The following LRP1B variants were observed in gnomAD, a reference collection of about 807,000 sequenced individuals.
The protein encoded by LRP1B is LDL receptor related protein 1B.
LRP1B carries 217 observed loss-of-function variants against 556.6 expected under a neutral mutation model. That is an observed-to-expected ratio of 0.39 (90% CI 0.35 to 0.44). LRP1B has a LOEUF of 0.44. Ranked by LOEUF, LRP1B falls within the 20% of genes least tolerant of loss-of-function variation. LRP1B has a pLI of 1.00. For missense variants in LRP1B, 5,053 were observed against 5,620.8 expected, an observed-to-expected ratio of 0.90 and a Z score of 3.23; for synonymous variants, 2,047 against 1,865.8, an observed-to-expected ratio of 1.10 and a Z score of -2.50.
intron 3 of LRP1B, among the ~76,000 whole-genome samples, chr2:141,457,991 A>G (rs555665498): frequency 1.3e-5 from 2 of 152,230 alleles, no homozygotes; most frequent in Non-Finnish European, 2.9e-5. Flanking sequence ...TGGACAAATA[A>G]GATGAGTAAT....
intron 2 of LRP1B, among the ~76,000 whole-genome samples, chr2:141,639,465 G>C (rs1025681354): frequency 6.8e-6 from 1 of 146,570 alleles, no homozygotes; most frequent in Non-Finnish European, 1.5e-5. Flanking sequence ...CCAGGCTAGA[G>C]TGCAGCAGTG....
intron 73 of LRP1B, 98 bp from the exon 74 acceptor site, chr2:140,358,214 A>T (rs2105136086): frequency 8.8e-7 from 1 of 1,142,038 alleles, no homozygotes; most frequent in Non-Finnish European, 1.2e-6. Context: ...ACTATGAAAA[A>T]CATGGGTTTA....
At chr2:140,914,939 C>G (rs189765359) in intron 21 of LRP1B, among the ~76,000 whole-genome samples, 8 of 152,236 alleles carry the variant, frequency 5.3e-5, no homozygotes. Flanking sequence ...TTATTACTAT[C>G]ATATCTATTC....
At chr2:141,311,904 C>A (rs1286534856) in intron 3 of LRP1B, among the ~76,000 whole-genome samples, 1 of 152,104 alleles carries the variant, frequency 6.6e-6, no homozygotes, top group Admixed American at 6.5e-5. Flanking sequence ...GGAAATACCC[C>A]AAAATGTGGA....
chr2:142,117,920 A>C (rs1237255338), intron 1 of LRP1B, among the ~76,000 whole-genome samples: 1 of 152,086 alleles, frequency 6.6e-6, no homozygotes, highest in Non-Finnish European at 1.5e-5. Context: ...CTTGACTTTT[A>C]ATCCATAAAG....
At chr2:140,800,088 G>A (rs1159109324) in intron 32 of LRP1B, among the ~76,000 whole-genome samples, 1 of 152,172 alleles carries the variant, frequency 6.6e-6, no homozygotes, top group Non-Finnish European at 1.5e-5. Flanking sequence ...ATGAGTTCAT[G>A]TCCTTTGTAG....
intron 1 of LRP1B, among the ~76,000 whole-genome samples, chr2:141,976,082 A>G (rs953569239): frequency 2.0e-5 from 3 of 151,448 alleles, no homozygotes; most frequent in African/African-American, 7.4e-5. Flanking sequence ...AAAATTCTAA[A>G]ATCTTTCATT....
intron 2 of LRP1B, among the ~76,000 whole-genome samples, chr2:141,778,818 G>C (rs778655756): frequency 6.6e-6 from 1 of 152,140 alleles, no homozygotes; most frequent in Non-Finnish European, 1.5e-5. Context: ...TACACAGAGA[G>C]ATAGGAGCTA....
At chr2:141,757,364 C>T (rs1285882530) in intron 2 of LRP1B, among the ~76,000 whole-genome samples, 8 of 152,118 alleles carry the variant, frequency 5.3e-5, no homozygotes, top group African/African-American at 9.7e-5. Context: ...GTGAGAGATG[C>T]ACAATCTCAG....
At chr2:140,852,750 G>GA (rs1275690688) in intron 27 of LRP1B, among the ~76,000 whole-genome samples, 71 of 152,218 alleles carry the variant, frequency 4.7e-4, no homozygotes, top group African/African-American at 1.7e-3. Flanking sequence ...ATTGAGAACA[G>GA]AATATTAAAT....
At chr2:140,772,874 G>T (rs964663226) in intron 33 of LRP1B, among the ~76,000 whole-genome samples, 2 of 152,058 alleles carry the variant, frequency 1.3e-5, no homozygotes, top group Admixed American at 6.6e-5. Context: ...GGGAGGTGAA[G>T]GCAGGCAGAT....
chr2:140,654,454 T>C (rs1559034450), intron 41 of LRP1B, among the ~76,000 whole-genome samples: 7 of 152,194 alleles, frequency 4.6e-5, no homozygotes. Flanking sequence ...TCAGTTATTT[T>C]AAAGACTGTC....
At chr2:140,618,648 A>C (rs1324992371) in intron 41 of LRP1B, among the ~76,000 whole-genome samples, 1 of 152,176 alleles carries the variant, frequency 6.6e-6, no homozygotes, top group Non-Finnish European at 1.5e-5. Flanking sequence ...TATTCAGGAC[A>C]GAAGAACTTA....
intron 25 of LRP1B, among the ~76,000 whole-genome samples, chr2:140,883,004 A>C (rs765624398): frequency 2.2e-4 from 34 of 152,200 alleles, no homozygotes; most frequent in Non-Finnish European, 3.4e-4. Context: ...ATTCTCACCT[A>C]TCAGTTGCAT....
intron 41 of LRP1B, among the ~76,000 whole-genome samples, chr2:140,616,694 T>C (rs965037281): frequency 6.6e-6 from 1 of 151,936 alleles, no homozygotes; most frequent in African/African-American, 2.4e-5. Context: ...ATAAATTGTT[T>C]ATTAATATTT....
chr2:141,452,881 A>G (rs183910006), intron 3 of LRP1B, among the ~76,000 whole-genome samples: 9 of 152,192 alleles, frequency 5.9e-5, no homozygotes, highest in African/African-American at 1.9e-4. Context: ...TACTTCCTGG[A>G]GGTTATTGGA....
chr2:140,696,241 G>A (rs758221589), intron 41 of LRP1B, among the ~76,000 whole-genome samples: 2 of 152,016 alleles, frequency 1.3e-5, no homozygotes, highest in Non-Finnish European at 2.9e-5. Flanking sequence ...GAGGGTTTTA[G>A]TTTTGATTTG....
At chr2:141,366,650 G>A (rs1036023710) in intron 3 of LRP1B, among the ~76,000 whole-genome samples, 1 of 152,170 alleles carries the variant, frequency 6.6e-6, no homozygotes, top group South Asian at 2.1e-4. Flanking sequence ...CCATATTGGA[G>A]TTTCTTTCAG....
chr2:141,504,858 A>C (rs573976559), intron 2 of LRP1B, among the ~76,000 whole-genome samples: 2 of 152,128 alleles, frequency 1.3e-5, no homozygotes, highest in Non-Finnish European at 2.9e-5. Flanking sequence ...AATTCAAATG[A>C]GTGAAATAAA....
Sources: gnomAD v4.1 joint callset for allele counts (sites outside exome capture counted in the v4.1 genomes callset) on GRCh38, gnomAD v4.1.1 for gene constraint, MANE v1.5 for transcripts, NCBI Gene and HGNC (gene_info 2026-07-23, HGNC 2026-07-21) for gene names.